The following PLAAT5 variants were observed in gnomAD, a reference collection of about 807,000 sequenced individuals.
PLAAT5 encodes phospholipase A and acyltransferase 5, also known as Ca(2+)-independent N-acyltransferase.
Under a neutral mutation model 27.8 loss-of-function variants are expected in PLAAT5, and 27 were observed. The ratio of observed to expected loss-of-function variants is 0.97; its 90% CI spans 0.72 to 1.34. PLAAT5 has a LOEUF of 1.34. PLAAT5 is among the 40% of genes most tolerant of loss of function. The probability of loss-of-function intolerance (pLI) is 0.00; values close to 1 mark genes in which losing one functional copy is unlikely to be tolerated. For synonymous variants in PLAAT5, 125 were observed against 136.1 expected (o/e 0.92, Z 0.57); for missense variants, 368 against 343.8 (o/e 1.07, Z -0.56).
intron 2 of PLAAT5, 30 bp from the exon 3 acceptor site, chr11:63,489,006 A>G: frequency 7.2e-7 from 1 of 1,390,872 alleles, no homozygotes; most frequent in Non-Finnish European, 1.0e-6. Flanking sequence ...CAAAGTTAAC[A>G]AATATCACTA....
At chr11:63,469,137 T>C (rs1320423063) in intron 3 of PLAAT5, among the ~76,000 whole-genome samples, 1 of 146,740 alleles carries the variant, frequency 6.8e-6, no homozygotes, top group African/African-American at 2.7e-5. Context: ...TGTGTGTGTG[T>C]GTGTGTGTGA....
In PLAAT5 at chr11:63,468,382, A is replaced by G. The variant is rs1441772955; in HGVS notation, c.429T>C (p.Asp143=). 1.2e-6 allele frequency: 2 copies of G among 1,613,682 alleles called. No individual in the cohort carries two copies. The highest frequency in any genetic ancestry group is 2.2e-5 in the East Asian group (1 of 44,902). Residue 143 remains aspartate (D), a synonymous_variant, in exon 4 of 6, where the codon GAT becomes GAC. Transcript: ENST00000540857. ...TTGGGGGAGCCAGATGGACCACGCA[A>G]TCATCTTCTACATAGATGGCCCAGT... is the stretch of plus-strand genomic sequence containing the variant. ...YEHWAIYVED[D]CVVHLAPPSE...
In PLAAT5 at chr11:63,463,475, C is replaced by G; in HGVS notation, c.*28G>C. On this transcript the variant is annotated 3_prime_UTR_variant, in exon 6 of 6. Transcript: ENST00000540857. ...GTTCTTTTTGCTTGTGTCAGTAACT[C>G]TTCCTCTAGCTGGAGTTTTCATCAC... is the stretch of plus-strand genomic sequence containing the variant. The G allele has an allele frequency of 6.4e-7, 1 of 1,550,390 alleles. No homozygotes were observed. Among genetic ancestry groups the G allele is most frequent in the Non-Finnish European group, 8.9e-7 (1 of 1,123,358 alleles).
chr11:63,476,033 T>G (rs1331543190), intron 3 of PLAAT5, among the ~76,000 whole-genome samples: 1 of 152,126 alleles, frequency 6.6e-6, no homozygotes, highest in Non-Finnish European at 1.5e-5. Flanking sequence ...AAAAGTATAC[T>G]TATGGTCATT....
At chr11:63,490,495 T>A in intron 1 of PLAAT5, 162 bp from the exon 2 acceptor site, 1 of 1,130,554 alleles carries the variant, frequency 8.8e-7, no homozygotes, top group Non-Finnish European at 1.3e-6. Flanking sequence ...GTTGTGGAAC[T>A]AGGTGCTGGA....
chr11:63,491,118 G>C lies in PLAAT5; in HGVS notation c.-84C>G, dbSNP rs959659183. The C allele has an allele frequency of 3.3e-6, 4 of 1,216,286 alleles. No individual in the cohort carries two copies. Among genetic ancestry groups the C allele is most frequent in the Non-Finnish European group, 4.3e-6 (4 of 939,702 alleles). The allele number at this position is 1,216,286 out of a possible 1,614,324, so 75.3% of individuals were successfully genotyped here. A position where few individuals can be genotyped will look rare whatever the true frequency, so the allele number is the denominator to read the frequency against. ...TTCCCAGTCGGCGCGGCCCCTGGTCGGCGGAGCCGCGGAAGCTTGGGCACT... is the reference window on the plus strand; with the variant it reads ...TTCCCAGTCGGCGCGGCCCCTGGTCCGCGGAGCCGCGGAAGCTTGGGCACT... On this transcript the variant is annotated 5_prime_UTR_variant, in exon 1 of 6. Transcript: ENST00000540857.
chr11:63,480,432 T>C (rs6591807), intron 3 of PLAAT5, among the ~76,000 whole-genome samples: 5,374 of 152,350 alleles, frequency 0.035, 216 homozygotes, highest in African/African-American at 0.094. Context: ...TTAAGTATTT[T>C]CTTTTGCATT....
rs1294362580 is a variant in PLAAT5, at chr11:63,483,817, A to G, written c.345+5054T>C. 5.5e-4 allele frequency among the ~76,000 whole-genome samples: 58 copies of G among 104,648 alleles called. 1 individual carries two copies. Among genetic ancestry groups the G allele is most frequent in the African/African-American group, 2.0e-3 (55 of 27,242 alleles). 68.7% of individuals were successfully genotyped at this position (104,648 alleles called of 152,430 possible). A position where few individuals can be genotyped will look rare whatever the true frequency, so the allele number is the denominator to read the frequency against. On this transcript the variant is annotated intron_variant, in intron 3 of 5. Coordinates refer to ENST00000540857, the MANE Select transcript of PLAAT5 (RefSeq NM_001146729.2). ...TATATATATGTATATATATATATATATATATATATATATATATATATATAT... is the reference window on the plus strand; with the variant it reads ...TATATATATGTATATATATATATATGTATATATATATATATATATATATAT...
At chr11:63,480,922 C>T (rs913929938) in intron 3 of PLAAT5, among the ~76,000 whole-genome samples, 3 of 152,144 alleles carry the variant, frequency 2.0e-5, no homozygotes, top group African/African-American at 4.8e-5. Context: ...TGGATTAATT[C>T]GAAAGCCTTG....
rs1326945515 is a variant in PLAAT5, at chr11:63,491,037, C to A, written c.-3G>T. 3 of 1,438,330 alleles carry A rather than the reference C, an allele frequency of 2.1e-6. No homozygotes were observed. Among genetic ancestry groups the A allele is most frequent in the Non-Finnish European group, 2.7e-6 (3 of 1,096,926 alleles). The allele number at this position is 1,438,330 out of a possible 1,614,324, so 89.1% of individuals were successfully genotyped here. On this transcript the variant is annotated 5_prime_UTR_variant, in exon 1 of 6. Transcript: ENST00000540857. Reference sequence around the variant, plus strand: ...TCGGCGCCCGGGCTCAGGCCCATCCCGCCTCTGCGGCCTCGCCGGCCCCCA... The same window carrying A: ...TCGGCGCCCGGGCTCAGGCCCATCCAGCCTCTGCGGCCTCGCCGGCCCCCA...
rs555905072 is a variant in PLAAT5, at chr11:63,466,121, G to A, written c.706C>T (p.Arg236Trp). 19 of 1,613,850 alleles carry A rather than the reference G, an allele frequency of 1.2e-5. No individual in the cohort carries two copies. Among genetic ancestry groups the A allele is most frequent in the East Asian group, 8.9e-5 (4 of 44,882 alleles). The change falls in exon 5 of 6, where the codon CGG becomes TGG. Residue 236 changes from arginine to tryptophan, a missense_variant. Arg to Trp is a moderately radical substitution (Grantham distance 101). Coordinates refer to ENST00000540857, the MANE Select transcript of PLAAT5 (RefSeq NM_001146729.2). The part of the protein sequence containing the change: ...FVNGLRYGVP[R>W]SQQVEHALME... Reference sequence around the variant, plus strand: ...AAATGGGGTCACACCTGCTGGCTCCGGGGTACGCCATATCTGAGGCCATTG... The same window carrying A: ...AAATGGGGTCACACCTGCTGGCTCCAGGGTACGCCATATCTGAGGCCATTG...
At chr11:63,467,255 GA>G (rs2120220514) in intron 4 of PLAAT5, among the ~76,000 whole-genome samples, 1 of 152,194 alleles carries the variant, frequency 6.6e-6, no homozygotes, top group South Asian at 2.1e-4. Context: ...CATTTTCAGA[GA>G]GCAAGATAGG....
chr11:63,468,225 A>C (rs2015915862), intron 4 of PLAAT5, 132 bp downstream of exon 4: 4 of 701,514 alleles, frequency 5.7e-6, no homozygotes. Flanking sequence ...CACAGTAAGC[A>C]AAGGTCCAGT....
Position 63,462,080 on chromosome 11 carries a change from T to C in PLAAT5, c.*1423A>G, listed in dbSNP as rs1004760481. The stretch of plus-strand genomic sequence containing the variant: ...AACATCCAGTTTGTTTGATGAAAGA[T>C]TAATATGGTCAATGAGCTCAAAGTC... On this transcript the variant is annotated 3_prime_UTR_variant, in exon 6 of 6. Transcript: ENST00000540857. 3 of 152,204 alleles carry C rather than the reference T, an allele frequency of 2.0e-5. No individual in the cohort carries two copies. Among genetic ancestry groups the C allele is most frequent in the African/African-American group, 7.2e-5 (3 of 41,458 alleles). 9.4% of individuals were successfully genotyped at this position (152,204 alleles called of 1,614,324 possible). A position where few individuals can be genotyped will look rare whatever the true frequency, so the allele number is the denominator to read the frequency against.
rs2016526407 is a variant in PLAAT5, at chr11:63,490,151, C to T, written c.239+92G>A. The T allele has an allele frequency of 2.6e-6, 4 of 1,563,736 alleles. No individual in the cohort carries two copies. The Admixed American group carries it at 6.8e-5, about 27-fold the overall frequency. ...CCGGCTGGCTGGTTCACACAAAAAC[C>T]ACCTCTGGGTTTGTTTTACAGAACT... On this transcript the variant is annotated intron_variant, in intron 2 of 5. Transcript: ENST00000540857.
rs561618606 is a variant in PLAAT5, at chr11:63,483,142, G to A, written c.345+5729C>T. ...CTACACCTAAGAAATGAGATAGATG[G>A]CAACACAGTAATAGTGGGGGGACTT... is the stretch of plus-strand genomic sequence containing the variant. On this transcript the variant is annotated intron_variant, in intron 3 of 5. Transcript: ENST00000540857. Among the ~76,000 whole-genome samples, 5 of 151,632 alleles carry A rather than the reference G, an allele frequency of 3.3e-5. No homozygotes were observed. In the East Asian group the frequency reaches 9.7e-4, roughly 29 times the overall value.
chr11:63,466,384 A>G lies in PLAAT5; in HGVS notation c.455-12T>C. ...CTCAAACTCCTCACCTGGAGACCAAAGACAAACAAAGGTTGGGAAATACAA... is the reference window on the plus strand; with the variant it reads ...CTCAAACTCCTCACCTGGAGACCAAGGACAAACAAAGGTTGGGAAATACAA... On this transcript the variant is annotated splice_polypyrimidine_tract_variant and intron_variant, in intron 4 of 5. Coordinates refer to ENST00000540857, the MANE Select transcript of PLAAT5 (RefSeq NM_001146729.2). 4 of 1,613,190 alleles carry G rather than the reference A, an allele frequency of 2.5e-6. No homozygotes were observed. The highest frequency in any genetic ancestry group is 3.4e-6 in the Non-Finnish European group (4 of 1,179,616).
chr11:63,490,396 C>G, intron 1 of PLAAT5, 63 bp from the exon 2 acceptor site: 1 of 1,612,352 alleles, frequency 6.2e-7, no homozygotes. Context: ...AGCACCTTGA[C>G]CGCTACGGAG....
rs557868398 is a variant in PLAAT5, at chr11:63,474,305, A to C, written c.346-5840T>G. On this transcript the variant is annotated intron_variant, in intron 3 of 5. Transcript: ENST00000540857. ...TTTTCTTATTTAAACGCATGGTAGAATTCTTGAGCAAAGCCATCTGGGCAT... is the reference window on the plus strand; with the variant it reads ...TTTTCTTATTTAAACGCATGGTAGACTTCTTGAGCAAAGCCATCTGGGCAT... 1.6e-4 allele frequency among the ~76,000 whole-genome samples: 24 copies of C among 152,326 alleles called. No homozygotes were observed. The East Asian group carries it at 4.6e-3, about 29-fold the overall frequency.
Sources: allele counts gnomAD v4.1 joint callset (sites outside exome capture counted in the v4.1 genomes callset), GRCh38; gene constraint gnomAD v4.1.1; transcripts MANE v1.5; gene names NCBI Gene and HGNC (gene_info 2026-07-23, HGNC 2026-07-21).